The following SCEL variants were observed in gnomAD, a reference collection of about 807,000 sequenced individuals.
SCEL encodes the protein sciellin.
A neutral mutation model predicts 117.6 loss-of-function variants in SCEL; 113 were observed. The ratio of observed to expected loss-of-function variants is 0.96; its 90% confidence interval spans 0.83 to 1.12. SCEL has a LOEUF of 1.12. SCEL is among the 50% of genes most tolerant of loss of function. SCEL has a pLI of 0.00. For missense variants in SCEL, 785 were observed against 810.8 expected (o/e 0.97, Z 0.39); for synonymous variants, 270 against 256.2 (o/e 1.05, Z -0.51).
chr13:77,591,366 G>A, intron 10 of SCEL, 29 bp from the exon 11 acceptor site: 1 of 1,338,910 alleles, frequency 7.5e-7, no homozygotes, highest in Non-Finnish European at 1.1e-6. Flanking sequence ...TTTTCTGACT[G>A]ATATAATCTT....
intron 9 of SCEL, among the ~76,000 whole-genome samples, chr13:77,578,631 G>A (rs117240973): frequency 0.013 from 1,925 of 152,262 alleles, 44 homozygotes; most frequent in Non-Finnish European, 0.018. Context: ...TGTGGGATTT[G>A]GGGGAAGGAA....
intron 3 of SCEL, among the ~76,000 whole-genome samples, chr13:77,559,272 T>C (rs2154396162): frequency 6.6e-6 from 1 of 152,352 alleles, no homozygotes; most frequent in Non-Finnish European, 1.5e-5. Context: ...TGTATTCTCA[T>C]GGTTCAAAAG....
chr13:77,564,038 AGAATT>A (rs1593946503), intron 5 of SCEL, 139 bp downstream of exon 5: 1 of 578,934 alleles, frequency 1.7e-6, no homozygotes, highest in Non-Finnish European at 2.8e-6. Flanking sequence ...GAGGGCTCTA[AGAATT>A]GAATTATCTT....
chr13:77,636,069 T>G (rs2090263339), intron 29 of SCEL, among the ~76,000 whole-genome samples: 1 of 152,240 alleles, frequency 6.6e-6, no homozygotes, highest in Non-Finnish European at 1.5e-5. Flanking sequence ...ATTCGTTGCC[T>G]CCTGTACCTT....
intron 25 of SCEL, 66 bp downstream of exon 25, chr13:77,617,724 A>C: frequency 6.8e-7 from 1 of 1,462,612 alleles, no homozygotes; most frequent in African/African-American, 1.4e-5. Flanking sequence ...TTATTACTTC[A>C]AGCAGATTTA....
intron 1 of SCEL, among the ~76,000 whole-genome samples, chr13:77,549,631 A>G (rs1366251388): frequency 1.3e-5 from 2 of 152,162 alleles, no homozygotes; most frequent in African/African-American, 4.8e-5. Flanking sequence ...TTAAACTAGG[A>G]TGTTCCTGAG....
intron 1 of SCEL, among the ~76,000 whole-genome samples, chr13:77,536,762 C>T (rs1454362936): frequency 6.6e-6 from 1 of 152,176 alleles, no homozygotes; most frequent in African/African-American, 2.4e-5. Flanking sequence ...AGAGAGGTGC[C>T]CCCACAGCAT....
At chr13:77,580,969 C>A (rs890794168) in intron 9 of SCEL, among the ~76,000 whole-genome samples, 1 of 152,028 alleles carries the variant, frequency 6.6e-6, no homozygotes, top group Non-Finnish European at 1.5e-5. Context: ...GCCATGGCAA[C>A]CTTGCACTAC....
In SCEL at chr13:77,563,839, A is replaced by G; in HGVS notation, c.230A>G (p.Asn77Ser). The change falls in exon 5 of 33, where the codon AAT becomes AGT. Residue 77 changes from asparagine to serine, a missense_variant. Transcript: ENST00000349847. Reference sequence around the variant, plus strand: ...AATTATGTTTGCTACAGGAAAGTAAATGAGAGAGATGTGCCAAAAGCTACA... The same window carrying G: ...AATTATGTTTGCTACAGGAAAGTAAGTGAGAGAGATGTGCCAAAAGCTACA... ...NSHDALDRKV[N>S]ERDVPKATIS... 2 of 1,594,074 alleles carry G rather than the reference A, an allele frequency of 1.3e-6. No individual in the cohort carries two copies. The highest frequency in any genetic ancestry group is 2.3e-5 in the South Asian group (2 of 85,958).
chr13:77,603,194 A>G (rs898187602), intron 18 of SCEL, 59 bp downstream of exon 18: 1 of 1,137,346 alleles, frequency 8.8e-7, no homozygotes, highest in Non-Finnish European at 1.3e-6. Context: ...AGAAGATAAA[A>G]TAATTTGGCT....
chr13:77,567,754 A>C lies in SCEL; in HGVS notation c.359+6A>C. 7 of 1,557,952 alleles carry C rather than the reference A, an allele frequency of 4.5e-6. No individual in the cohort carries two copies. The highest frequency in any genetic ancestry group is 6.2e-6 in the Non-Finnish European group (7 of 1,138,190). The stretch of plus-strand genomic sequence containing the variant: ...GATAACCAACTAACCAATAGGTACC[A>C]GTATCTACTAACTATGGGAAAGGCT... On this transcript the variant is annotated splice_donor_region_variant and intron_variant, in intron 6 of 32. Transcript: ENST00000349847.
chr13:77,549,309 A>G (rs1182248168), intron 1 of SCEL, among the ~76,000 whole-genome samples: 5 of 152,166 alleles, frequency 3.3e-5, no homozygotes. Context: ...TTTGATGATT[A>G]GTGGTGTTGA....
At chr13:77,555,496 A>T (rs2084603137) in intron 1 of SCEL, among the ~76,000 whole-genome samples, 1 of 152,090 alleles carries the variant, frequency 6.6e-6, no homozygotes, top group Admixed American at 6.6e-5. Context: ...ATGCCCAGAC[A>T]CTTGTCTAAC....
At chr13:77,640,631 T>C in intron 30 of SCEL, 45 bp from the exon 31 acceptor site, 1 of 986,268 alleles carries the variant, frequency 1.0e-6, no homozygotes, top group Non-Finnish European at 1.5e-6. Context: ...ACATCTGTCT[T>C]CTGTATTATG....
intron 8 of SCEL, among the ~76,000 whole-genome samples, chr13:77,570,864 T>G (rs549232645): frequency 5.3e-5 from 8 of 152,106 alleles, no homozygotes; most frequent in African/African-American, 1.9e-4. Flanking sequence ...TTCTTTTTTC[T>G]TTTTCTTTTT....
chr13:77,561,343 C>T (rs568094779), intron 4 of SCEL, among the ~76,000 whole-genome samples: 111 of 152,300 alleles, frequency 7.3e-4, no homozygotes, highest in Non-Finnish European at 1.2e-3. Context: ...AAATTGTATT[C>T]GTTTCCTGAA....
In SCEL at chr13:77,602,673, G is replaced by A. The variant is rs2087795394; in HGVS notation, c.997G>A (p.Val333Ile). The stretch of plus-strand genomic sequence containing the variant: ...CCAAAGAAGACAAAATCTCGAATCT[G>A]TTGCTAAAGTGAATGCCAGGATGAA... ...NEKGRQNLESVAKVNARMNKT... is the reference protein window; with the variant it reads ...NEKGRQNLESIAKVNARMNKT... Residue 333 changes from valine to isoleucine, a missense_variant, in exon 17 of 33, where the codon GTT (valine) becomes ATT (isoleucine). Coordinates refer to ENST00000349847, the MANE Select transcript of SCEL (RefSeq NM_144777.3). 6.2e-7 allele frequency: 1 copy of A among 1,613,644 alleles called. No homozygotes were observed. The highest frequency in any genetic ancestry group is 8.5e-7 in the Non-Finnish European group (1 of 1,179,798).
chr13:77,554,293 G>A (rs956127611), intron 1 of SCEL, among the ~76,000 whole-genome samples: 8 of 152,158 alleles, frequency 5.3e-5, no homozygotes, highest in South Asian at 2.1e-4. Flanking sequence ...TGGGGAGGTT[G>A]TGAAACCAGT....
intron 29 of SCEL, among the ~76,000 whole-genome samples, chr13:77,634,733 C>T (rs1386052815): frequency 6.6e-6 from 1 of 152,130 alleles, no homozygotes; most frequent in Non-Finnish European, 1.5e-5. Flanking sequence ...ATGTATATAA[C>T]TATATGGTTA....
Sources: gnomAD v4.1 joint callset for allele counts (sites outside exome capture counted in the v4.1 genomes callset) on GRCh38, gnomAD v4.1.1 for gene constraint, MANE v1.5 for transcripts, NCBI Gene and HGNC (gene_info 2026-07-23, HGNC 2026-07-21) for gene names.